The following SYNE2 variants were observed in gnomAD, a reference collection of about 807,000 sequenced individuals.
The protein encoded by SYNE2 is nesprin-2.
In SYNE2, 431 loss-of-function variants were observed where a neutral mutation model predicts 856.3. The observed-to-expected ratio is 0.50, with a 90% CI of 0.47 to 0.55. The LOEUF is 0.55. Among genes scored for constraint, SYNE2 ranks in the 20% least tolerant of loss-of-function variants. The pLI, the probability that SYNE2 is intolerant of heterozygous loss-of-function variation, is 0.00. For synonymous variants in SYNE2, 2,923 were observed against 2,872.3 expected, an observed-to-expected ratio of 1.02 and a Z score of -0.56; for missense variants, 8,129 against 8,023.2, an observed-to-expected ratio of 1.01 and a Z score of -0.50.
At chr14:63,868,054 G>T (rs1429827786) in intron 1 of SYNE2, among the ~76,000 whole-genome samples, 1 of 150,808 alleles carries the variant, frequency 6.6e-6, no homozygotes, top group African/African-American at 2.4e-5. Flanking sequence ...TCTAAAAAAA[G>T]AAAAAAAAGA....
Position 64,025,126 on chromosome 14 carries a change from A to C in SYNE2, c.5961-4A>C. 6.2e-7 allele frequency: 1 copy of C among 1,614,122 alleles called. No homozygotes were observed. Among genetic ancestry groups the C allele is most frequent in the Non-Finnish European group, 8.5e-7 (1 of 1,179,982 alleles). On this transcript the variant is annotated splice_polypyrimidine_tract_variant and splice_region_variant and intron_variant, in intron 40 of 115. Transcript: ENST00000555002. Reference sequence around the variant, plus strand: ...AAACTTTAAGTGGTATTTGGAATTTACAGGGAACAGTTTGAATCTGTGGCC... The same window carrying C: ...AAACTTTAAGTGGTATTTGGAATTTCCAGGGAACAGTTTGAATCTGTGGCC...
At chr14:63,849,674 G>A (rs1176738290), upstream of SYNE2, among the ~76,000 whole-genome samples, 1 of 152,178 alleles carries the variant, frequency 6.6e-6, no homozygotes. Flanking sequence ...ACATGAGGGT[G>A]GGATGCAGAA....
intron 96 of SYNE2, among the ~76,000 whole-genome samples, chr14:64,182,714 A>G (rs915303810): frequency 3.9e-5 from 6 of 152,264 alleles, no homozygotes; most frequent in African/African-American, 1.4e-4. Flanking sequence ...GGGTAAGGTC[A>G]TAGATTAACA....
chr14:63,781,138 CGTG>C (rs1887289932), intron 1 of SYNE2, among the ~76,000 whole-genome samples: 1 of 151,754 alleles, frequency 6.6e-6, no homozygotes, highest in Admixed American at 6.6e-5. Flanking sequence ...ATTAGCCAGG[CGTG>C]GTGGTGCATA....
At chr14:63,845,963 C>G (rs1343491978) in intron 1 of SYNE2, among the ~76,000 whole-genome samples, 1 of 151,338 alleles carries the variant, frequency 6.6e-6, no homozygotes, top group Admixed American at 6.6e-5. Context: ...AGGCTGGTCT[C>G]AAACTCTTGA....
Position 64,050,461 on chromosome 14 carries a change from G to A in SYNE2, c.7643+585G>A, listed in dbSNP as rs140952102. On this transcript the variant is annotated intron_variant, in intron 47 of 115. Coordinates refer to ENST00000555002, the MANE Select transcript of SYNE2 (RefSeq NM_182914.3). ...TACAGAGTAATTTATGAAACAATTCGCACTATAAATATCTACAAAATAGGT... is the reference window on the plus strand; with the variant it reads ...TACAGAGTAATTTATGAAACAATTCACACTATAAATATCTACAAAATAGGT... 5.8e-4 allele frequency among the ~76,000 whole-genome samples: 88 copies of A among 152,120 alleles called. No homozygotes were observed. In the East Asian group the frequency reaches 5.8e-3, roughly 10 times the overall value.
chr14:63,845,929 A>G (rs1371955674), intron 1 of SYNE2, among the ~76,000 whole-genome samples: 2 of 151,612 alleles, frequency 1.3e-5, no homozygotes, highest in Non-Finnish European at 1.5e-5. Flanking sequence ...TTATTAGTAA[A>G]GAGGAGGTTT....
chr14:64,075,024 A>G (rs2097446800), intron 53 of SYNE2, among the ~76,000 whole-genome samples: 1 of 152,012 alleles, frequency 6.6e-6, no homozygotes, highest in Admixed American at 6.6e-5. Context: ...ATAAAACGGG[A>G]TGACACTTAC....
In SYNE2 at chr14:64,224,982, G is replaced by C. The variant is rs374409544; in HGVS notation, c.20470-17G>C. 3 of 1,612,712 alleles carry C rather than the reference G, an allele frequency of 1.9e-6. No homozygotes were observed. The highest frequency in any genetic ancestry group is 8.5e-7 in the Non-Finnish European group (1 of 1,179,438). ...AACTGTCTTCAACTTACTAACTGGA[G>C]TTTCTTTACCCAGCAGTTCAGAGCA... On this transcript the variant is annotated splice_polypyrimidine_tract_variant and intron_variant, in intron 114 of 115. Coordinates refer to ENST00000555002, the MANE Select transcript of SYNE2 (RefSeq NM_182914.3).
At chr14:64,068,118 G>A (rs1028279604) in intron 51 of SYNE2, among the ~76,000 whole-genome samples, 1 of 152,174 alleles carries the variant, frequency 6.6e-6, no homozygotes, top group Non-Finnish European at 1.5e-5. Context: ...AAAAGTGAAT[G>A]CACAGGCTTT....
chr14:64,107,803 G>A (rs1415454271), intron 65 of SYNE2, among the ~76,000 whole-genome samples, 196 bp downstream of exon 65: 1 of 152,200 alleles, frequency 6.6e-6, no homozygotes, highest in Non-Finnish European at 1.5e-5. Context: ...AAATAGGCAT[G>A]GCATAGAGAA....
intron 99 of SYNE2, among the ~76,000 whole-genome samples, chr14:64,201,020 C>T (rs1211932562): frequency 6.6e-6 from 1 of 152,222 alleles, no homozygotes; most frequent in African/African-American, 2.4e-5. Flanking sequence ...GTCCAGCATT[C>T]ACTCTGTGCA....
intron 52 of SYNE2, among the ~76,000 whole-genome samples, chr14:64,072,503 CTTTTT>C (rs35527459): frequency 7.0e-6 from 1 of 143,868 alleles, no homozygotes; most frequent in African/African-American, 2.5e-5. Context: ...TATACTTCTC[CTTTTT>C]TTTTTTTTTG....
intron 23 of SYNE2, among the ~76,000 whole-genome samples, chr14:63,996,112 A>G (rs2096712244): frequency 6.6e-6 from 1 of 152,174 alleles, no homozygotes. Flanking sequence ...TGAACGAATA[A>G]TATCTCCTCT....
chr14:63,860,305 G>A lies in SYNE2; in HGVS notation c.-52+7162G>A, dbSNP rs1286553203. 2.6e-5 allele frequency among the ~76,000 whole-genome samples: 4 copies of A among 151,504 alleles called. No homozygotes were observed. In the East Asian group the frequency reaches 5.8e-4, roughly 22 times the overall value. On this transcript the variant is annotated intron_variant, in intron 1 of 115. Coordinates refer to ENST00000555002, the MANE Select transcript of SYNE2 (RefSeq NM_182914.3). ...CCTCCCCTCCAGACAGGTTCTGCAGGGTGCACTGCCTCCTTTTCTTTCCTC... is the reference window on the plus strand; with the variant it reads ...CCTCCCCTCCAGACAGGTTCTGCAGAGTGCACTGCCTCCTTTTCTTTCCTC...
intron 50 of SYNE2, among the ~76,000 whole-genome samples, chr14:64,065,155 G>A (rs149568750): frequency 1.2e-3 from 182 of 152,232 alleles, no homozygotes; most frequent in African/African-American, 3.8e-3. Context: ...GAGCCACTGC[G>A]TCTGGCAAAT....
chr14:63,874,433 A>G (rs2094667476), intron 1 of SYNE2, among the ~76,000 whole-genome samples: 2 of 152,086 alleles, frequency 1.3e-5, no homozygotes, highest in South Asian at 4.1e-4. Context: ...GTTGGGAGCT[A>G]ACAAAGTACC....
At chr14:64,028,113 C>T (rs2096996128) in intron 43 of SYNE2, among the ~76,000 whole-genome samples, 1 of 151,772 alleles carries the variant, frequency 6.6e-6, no homozygotes, top group South Asian at 2.1e-4. Context: ...CCATGTTGCC[C>T]AGGCTGGTCT....
In SYNE2 at chr14:63,990,444, C is replaced by G. The variant is rs766796829; in HGVS notation, c.2347C>G (p.Leu783Val). 1 of 1,613,318 alleles carries G rather than the reference C, an allele frequency of 6.2e-7. No homozygotes were observed. The highest frequency in any genetic ancestry group is 1.1e-5 in the South Asian group (1 of 91,042). Residue 783 changes from leucine to valine, a missense_variant, in exon 20 of 116, where the codon CTT becomes GTT. This residue lies in a region of SYNE2 where 2,422 missense variants were observed against 2,357.4 expected (regional missense o/e 1.03). Transcript: ENST00000555002. ...TGCCAAAGGCTCTATGTTTGATGAG[C>G]TTATGGCAAGAAGTGAAGATATGTT... ...LIAKGSMFDE[L>V]MARSEDMLQM...
Sources: allele counts gnomAD v4.1 joint callset (sites outside exome capture counted in the v4.1 genomes callset), GRCh38; gene constraint gnomAD v4.1.1; regional missense constraint gnomAD v4.1.1; transcripts MANE v1.5; gene names NCBI Gene and HGNC (gene_info 2026-07-23, HGNC 2026-07-21).